CACNA2D1: variants seen among roughly 807,000 people sequenced by gnomAD.
CACNA2D1 encodes calcium voltage-gated channel auxiliary subunit alpha2delta 1.
CACNA2D1 carries 53 observed loss-of-function variants against 171.5 expected under a neutral mutation model. The ratio of observed to expected loss-of-function variants is 0.31; its 90% CI spans 0.25 to 0.39. CACNA2D1 has a LOEUF of 0.39. Ranked by LOEUF, CACNA2D1 falls within the 10% of genes least tolerant of loss-of-function variation. CACNA2D1 has a pLI of 1.00. For synonymous variants in CACNA2D1, 442 were observed against 443.1 expected (o/e 1.00, Z 0.03); for missense variants, 903 against 1,299.8 (o/e 0.69, Z 4.69).
intron 3 of CACNA2D1, among the ~76,000 whole-genome samples, chr7:82,193,472 T>C (rs917090379): frequency 6.6e-6 from 1 of 151,994 alleles, no homozygotes; most frequent in African/African-American, 2.4e-5. Flanking sequence ...TGGAAATATA[T>C]TTAAGTCTAA....
chr7:82,267,851 G>A (rs1051945500), intron 3 of CACNA2D1, among the ~76,000 whole-genome samples: 6 of 152,168 alleles, frequency 3.9e-5, no homozygotes, highest in African/African-American at 1.4e-4. Flanking sequence ...AAAGAAATTA[G>A]CCGGGCGTGG....
chr7:82,296,374 T>C (rs1812290441), intron 3 of CACNA2D1, among the ~76,000 whole-genome samples: 1 of 152,120 alleles, frequency 6.6e-6, no homozygotes, highest in Non-Finnish European at 1.5e-5. Context: ...ATCAGTTAGC[T>C]CAATGTGTCT....
chr7:82,409,960 C>A (rs1827470872), intron 1 of CACNA2D1, among the ~76,000 whole-genome samples: 1 of 152,138 alleles, frequency 6.6e-6, no homozygotes, highest in African/African-American at 2.4e-5. Context: ...CTGTAGGCAA[C>A]TGTAACATAA....
chr7:82,063,815 A>C (rs570131012), intron 9 of CACNA2D1, among the ~76,000 whole-genome samples: 1 of 152,052 alleles, frequency 6.6e-6, no homozygotes, highest in Non-Finnish European at 1.5e-5. Context: ...TAAAAACTCA[A>C]GGAATTATTT....
At chr7:82,440,107 C>T (rs753506684) in intron 1 of CACNA2D1, among the ~76,000 whole-genome samples, 13 of 151,928 alleles carry the variant, frequency 8.6e-5, no homozygotes, top group Middle Eastern at 3.4e-3. Flanking sequence ...AGAATTTATG[C>T]TTATTTCCTG....
chr7:82,373,525 T>C (rs1320341754), intron 1 of CACNA2D1, among the ~76,000 whole-genome samples: 1 of 152,192 alleles, frequency 6.6e-6, no homozygotes, highest in Non-Finnish European at 1.5e-5. Flanking sequence ...TCATACATAA[T>C]GCACAATTGT....
chr7:82,220,161 C>T (rs952367254), intron 3 of CACNA2D1, among the ~76,000 whole-genome samples: 10 of 151,982 alleles, frequency 6.6e-5, no homozygotes, highest in African/African-American at 1.9e-4. Flanking sequence ...TTAACATCTA[C>T]GAAAATGTTC....
intron 3 of CACNA2D1, among the ~76,000 whole-genome samples, chr7:82,260,805 A>T (rs1806973621): frequency 6.6e-6 from 1 of 152,196 alleles, no homozygotes. Flanking sequence ...TATTAGTTCC[A>T]AAAGGCATTA....
At chr7:82,084,964 T>C in intron 6 of CACNA2D1, 64 bp from the exon 7 acceptor site, 3 of 1,237,990 alleles carry the variant, frequency 2.4e-6, no homozygotes, top group South Asian at 1.2e-5. Flanking sequence ...AATGTCTTCA[T>C]TTATTTACAA....
At chr7:82,402,911 T>G (rs1826603821) in intron 1 of CACNA2D1, among the ~76,000 whole-genome samples, 1 of 151,894 alleles carries the variant, frequency 6.6e-6, no homozygotes, top group Admixed American at 6.6e-5. Flanking sequence ...AATAGATTAT[T>G]ATTTATAATA....
chr7:82,177,742 C>G (rs1456820968), intron 3 of CACNA2D1, among the ~76,000 whole-genome samples: 1 of 152,078 alleles, frequency 6.6e-6, no homozygotes, highest in Non-Finnish European at 1.5e-5. Context: ...CACAGGCACT[C>G]ATGATGCAAT....
chr7:81,982,511 A>C, intron 24 of CACNA2D1, 56 bp downstream of exon 24: 2 of 927,736 alleles, frequency 2.2e-6, no homozygotes, highest in South Asian at 2.6e-5. Flanking sequence ...ATTCTGAACT[A>C]CTGTTGAAGG....
intron 3 of CACNA2D1, among the ~76,000 whole-genome samples, chr7:82,299,560 C>G (rs1192721224): frequency 6.6e-6 from 1 of 151,484 alleles, no homozygotes; most frequent in Admixed American, 6.6e-5. Context: ...ACTGGGGAAG[C>G]TGAGGCACAA....
chr7:82,242,720 TAG>T (rs1232844822), intron 3 of CACNA2D1, among the ~76,000 whole-genome samples: 2 of 152,154 alleles, frequency 1.3e-5, no homozygotes, highest in African/African-American at 2.4e-5. Flanking sequence ...CTTCTCCAAA[TAG>T]AGTCACTGCA....
rs190931302 is a variant in CACNA2D1, at chr7:82,210,411, C to T, written c.295-39802G>A. On this transcript the variant is annotated intron_variant, in intron 3 of 38. Transcript: ENST00000356860. ...TCAGGTCTCTTGGATTGGATTTCAG[C>T]TAGGAGGTGGGAGTTCAGACTGTCT... is the stretch of plus-strand genomic sequence containing the variant. Among the ~76,000 whole-genome samples, 290 of 152,190 alleles carry T rather than the reference C, an allele frequency of 1.9e-3. 3 individuals carry two copies. Among genetic ancestry groups the T allele is most frequent in the African/African-American group, 6.4e-3 (264 of 41,516 alleles).
At position 82,443,453 on chromosome 7, in the gene CACNA2D1, C is replaced by G; in HGVS notation, c.7G>C (p.Ala3Pro). 1 of 1,607,318 alleles carries G rather than the reference C, an allele frequency of 6.2e-7. No individual in the cohort carries two copies. ...AGAGTCAAGGCCAGCAGGCAGCCAG[C>G]AGCCATCTTCGCGATCGAAGATCAA... The part of the protein sequence containing the change: MA[A>P]GCLLALTLTL... Residue 3 changes from alanine (A) to proline (P), a missense_variant, in exon 1 of 39, where the codon GCT becomes CCT. Ala to Pro is a conservative substitution (Grantham distance 27). Around this residue, in one of 5 missense-constraint regions of CACNA2D1, gnomAD observed 41 missense variants for 27.6 expected, o/e 1.49. Coordinates refer to ENST00000356860, the MANE Select transcript of CACNA2D1 (RefSeq NM_000722.4).
At chr7:81,984,056 A>G (rs1055690368) in intron 22 of CACNA2D1, among the ~76,000 whole-genome samples, 1 of 152,162 alleles carries the variant, frequency 6.6e-6, no homozygotes. Context: ...ATTCCAAATG[A>G]GGCTTAAAAA....
At chr7:82,086,809 A>T (rs1810534617) in intron 6 of CACNA2D1, among the ~76,000 whole-genome samples, 1 of 152,078 alleles carries the variant, frequency 6.6e-6, no homozygotes, top group African/African-American at 2.4e-5. Flanking sequence ...AAGGCTGCTA[A>T]CTTTTTCTTA....
At chr7:82,096,114 C>T (rs1364538627) in intron 6 of CACNA2D1, among the ~76,000 whole-genome samples, 6 of 152,154 alleles carry the variant, frequency 3.9e-5, no homozygotes, top group African/African-American at 1.4e-4. Context: ...TGGAACCTTT[C>T]TAAGCTCTTG....
Sources: gnomAD v4.1 joint callset for allele counts (sites outside exome capture counted in the v4.1 genomes callset) on GRCh38, gnomAD v4.1.1 for gene constraint, gnomAD v4.1.1 regional missense constraint, MANE v1.5 for transcripts, NCBI Gene and HGNC (gene_info 2026-07-23, HGNC 2026-07-21) for gene names.